The following CHRM2 variants were observed in gnomAD, a reference collection of about 807,000 sequenced individuals.
CHRM2 encodes cholinergic receptor muscarinic 2, also known as muscarinic acetylcholine receptor M2.
A neutral mutation model predicts 25.0 loss-of-function variants in CHRM2; 8 were observed. The ratio of observed to expected loss-of-function variants is 0.32; its 90% confidence interval spans 0.19 to 0.58. CHRM2 has a LOEUF of 0.58. CHRM2 is among the 20% of genes least tolerant of loss of function. The probability of loss-of-function intolerance (pLI) is 0.88; values close to 1 mark genes in which losing one functional copy is unlikely to be tolerated. For synonymous variants in CHRM2, 202 were observed against 205.7 expected (o/e 0.98, Z 0.15); for missense variants, 440 against 567.1 (o/e 0.78, Z 2.28).
intron 2 of CHRM2, among the ~76,000 whole-genome samples, chr7:136,920,908 G>A (rs1798392564): frequency 6.6e-6 from 1 of 152,000 alleles, no homozygotes; most frequent in Non-Finnish European, 1.5e-5. Flanking sequence ...CGTGTGAGAG[G>A]GAGGATATTT....
intron 2 of CHRM2, among the ~76,000 whole-genome samples, chr7:136,904,856 A>G (rs1477767866): frequency 6.6e-6 from 1 of 151,922 alleles, no homozygotes; most frequent in Non-Finnish European, 1.5e-5. Flanking sequence ...AGAATCAAGG[A>G]GCTTAGGTTT....
chr7:136,938,494 T>A, intron 2 of CHRM2: 1 of 1,057,354 alleles, frequency 9.5e-7, no homozygotes, highest in Non-Finnish European at 1.5e-6. Flanking sequence ...GGGGTTCACC[T>A]CTAGGATAAG....
At chr7:136,938,261 TAAAAG>T in intron 2 of CHRM2, 1 of 880,836 alleles carries the variant, frequency 1.1e-6, no homozygotes, top group Non-Finnish European at 1.9e-6. Context: ...CAGAAACTTT[TAAAAG>T]AAGAGTGCTT....
chr7:136,960,140 C>G (rs1342602353), intron 2 of CHRM2, among the ~76,000 whole-genome samples: 1 of 152,138 alleles, frequency 6.6e-6, no homozygotes, highest in Non-Finnish European at 1.5e-5. Flanking sequence ...AGAATTAACT[C>G]TTTACCAGTG....
intron 2 of CHRM2, among the ~76,000 whole-genome samples, chr7:136,946,614 C>A (rs1172332432): frequency 6.6e-6 from 1 of 152,134 alleles, no homozygotes; most frequent in Non-Finnish European, 1.5e-5. Context: ...TTTTAATACA[C>A]TCCCAATACA....
At chr7:136,879,817 A>G (rs1356565895) in intron 2 of CHRM2, among the ~76,000 whole-genome samples, 1 of 151,982 alleles carries the variant, frequency 6.6e-6, no homozygotes, top group African/African-American at 2.4e-5. Context: ...AAATAAATTT[A>G]TCATCTAGCA....
At chr7:136,948,017 C>T (rs1264792249) in intron 2 of CHRM2, among the ~76,000 whole-genome samples, 1 of 152,122 alleles carries the variant, frequency 6.6e-6, no homozygotes, top group Non-Finnish European at 1.5e-5. Context: ...CTGGGATCTT[C>T]TCTTCATTGT....
intron 2 of CHRM2, among the ~76,000 whole-genome samples, chr7:136,962,747 G>A (rs543825557): frequency 2.6e-4 from 39 of 152,278 alleles, no homozygotes; most frequent in Admixed American, 1.7e-3. Context: ...CAGCGTCCTT[G>A]TTAAAAGAGC....
intron 2 of CHRM2, among the ~76,000 whole-genome samples, chr7:136,874,342 T>G (rs1795961884): frequency 6.6e-6 from 1 of 152,194 alleles, no homozygotes; most frequent in Non-Finnish European, 1.5e-5. Context: ...TTTGTCTTAC[T>G]TTATTTATTT....
chr7:136,948,974 G>A (rs1448138125), intron 2 of CHRM2, among the ~76,000 whole-genome samples: 2 of 152,144 alleles, frequency 1.3e-5, no homozygotes, highest in African/African-American at 4.8e-5. Context: ...CAATCAAGGT[G>A]GAATGAAGGG....
At chr7:136,954,509 T>C (rs1232093402) in intron 2 of CHRM2, among the ~76,000 whole-genome samples, 1 of 152,246 alleles carries the variant, frequency 6.6e-6, no homozygotes, top group Non-Finnish European at 1.5e-5. Context: ...TAGTTTATTT[T>C]ATTTCTGTTG....
chr7:136,873,427 C>T (rs1795921055), intron 2 of CHRM2, among the ~76,000 whole-genome samples: 1 of 152,190 alleles, frequency 6.6e-6, no homozygotes, highest in African/African-American at 2.4e-5. Flanking sequence ...TTGCTTTAGC[C>T]TCACTGCTTA....
At chr7:136,922,425 A>G (rs1449929767) in intron 2 of CHRM2, among the ~76,000 whole-genome samples, 1 of 152,182 alleles carries the variant, frequency 6.6e-6, no homozygotes, top group Non-Finnish European at 1.5e-5. Context: ...AAATCTGTTC[A>G]CTGGCTTAAA....
intron 2 of CHRM2, among the ~76,000 whole-genome samples, chr7:136,900,554 G>A (rs1033198233): frequency 6.6e-6 from 1 of 151,976 alleles, no homozygotes; most frequent in Non-Finnish European, 1.5e-5. Context: ...ATCTAGGAAG[G>A]AGGGGATGTG....
intron 2 of CHRM2, among the ~76,000 whole-genome samples, chr7:136,943,429 C>T (rs947645820): frequency 1.3e-5 from 2 of 152,170 alleles, no homozygotes; most frequent in Non-Finnish European, 2.9e-5. Flanking sequence ...AGGAACATAA[C>T]TTTCTGTCAC....
At chr7:136,945,582 C>T (rs1397355718) in intron 2 of CHRM2, among the ~76,000 whole-genome samples, 1 of 151,784 alleles carries the variant, frequency 6.6e-6, no homozygotes, top group Non-Finnish European at 1.5e-5. Flanking sequence ...GTTCCATTGG[C>T]CTGTTTTTAT....
intron 2 of CHRM2, among the ~76,000 whole-genome samples, chr7:136,926,556 A>T (rs983103333): frequency 6.6e-6 from 1 of 152,196 alleles, no homozygotes; most frequent in Non-Finnish European, 1.5e-5. Flanking sequence ...CAGGTAAATA[A>T]GTTAAAAAAG....
chr7:136,989,082 A>G (rs1803045807), intron 2 of CHRM2, among the ~76,000 whole-genome samples: 1 of 152,128 alleles, frequency 6.6e-6, no homozygotes, highest in Non-Finnish European at 1.5e-5. Context: ...GCTAAAAGTC[A>G]CATCAAAAGT....
intron 2 of CHRM2, among the ~76,000 whole-genome samples, chr7:136,882,233 C>G (rs1200051554): frequency 6.6e-6 from 1 of 152,080 alleles, no homozygotes; most frequent in Non-Finnish European, 1.5e-5. Context: ...AACCTCTTCA[C>G]ATGGACCTAC....
Sources: gnomAD v4.1 joint callset for allele counts (sites outside exome capture counted in the v4.1 genomes callset) on GRCh38, gnomAD v4.1.1 for gene constraint, MANE v1.5 for transcripts, NCBI Gene and HGNC (gene_info 2026-07-23, HGNC 2026-07-21) for gene names.